C11orf16: variants seen among roughly 807,000 people sequenced by gnomAD.
C11orf16 encodes chromosome 11 open reading frame 16.
In C11orf16, 38 loss-of-function variants were observed where a neutral mutation model predicts 45.1. The observed-to-expected ratio is 0.84, with a 90% CI of 0.65 to 1.10. C11orf16 has a LOEUF of 1.10. Among genes scored for constraint, C11orf16 ranks in the 50% least tolerant of loss-of-function variants. The pLI is 0.00. For synonymous variants in C11orf16, 221 were observed against 222.0 expected, an observed-to-expected ratio of 1.00 and a Z score of 0.04; for missense variants, 583 against 569.5, an observed-to-expected ratio of 1.02 and a Z score of -0.24.
chr11:8,925,718 G>T lies in C11orf16; in HGVS notation c.949C>A (p.Pro317Thr), dbSNP rs1310680042. ...PELEPTAQLL[P>T]LEGPKEEKVA... is the part of the protein sequence containing the mutation. ...TTCTCCTCTTTAGGACCTTCCAGGGGCAAAAGCTGTGCTGTGGGCTCCAAC... is the reference window on the plus strand; with the variant it reads ...TTCTCCTCTTTAGGACCTTCCAGGGTCAAAAGCTGTGCTGTGGGCTCCAAC... The change falls in exon 5 of 7, where the codon CCC becomes ACC. Residue 317 changes from proline (P) to threonine (T), a missense_variant. Transcript: ENST00000326053. 1.2e-6 allele frequency: 2 copies of T among 1,614,258 alleles called. No individual in the cohort carries two copies. The highest frequency in any genetic ancestry group is 1.7e-6 in the Non-Finnish European group (2 of 1,180,040).
In C11orf16 at chr11:8,920,407, C is replaced by A; in HGVS notation, c.*66G>T. ...CCGTTGAAGAAGGCCTTGTCAGCCA[C>A]TCTGTATAACTCTCCTCGAATATTT... On this transcript the variant is annotated 3_prime_UTR_variant, in exon 7 of 7. Transcript: ENST00000326053. 1 of 665,260 alleles carries A rather than the reference C, an allele frequency of 1.5e-6. No homozygotes were observed. 41.2% of individuals were successfully genotyped at this position (665,260 alleles called of 1,614,324 possible).
In C11orf16 at chr11:8,926,067, G is replaced by A. The variant is rs753881372; in HGVS notation, c.600C>T (p.Gly200=). 5.6e-6 allele frequency: 9 copies of A among 1,612,172 alleles called. No homozygotes were observed. In the South Asian group the frequency reaches 9.9e-5, roughly 18 times the overall value. ...EKEITVHFWN[G]KAAKVPLGGV... ...CACCTAGGGGCACTTTAGCAGCTTT[G>A]CCATTCCAGAAATGAACAGTGATTT... is the stretch of plus-strand genomic sequence containing the variant. Residue 200 remains glycine, a synonymous_variant, in exon 5 of 7, where the codon GGC becomes GGT. Coordinates refer to ENST00000326053, the MANE Select transcript of C11orf16 (RefSeq NM_020643.3).
Position 8,926,997 on chromosome 11 carries a change from G to C in C11orf16, c.502C>G (p.Gln168Glu), listed in dbSNP as rs1319980576. ...AGAACAGTGCCAGGGCCATACTGCT[G>C]TTGGCCTGGCTCCCAGAGTGCCAGC... ...KVLALWEPGQQQYGPGTVLLG... is the reference protein window; with the variant it reads ...KVLALWEPGQEQYGPGTVLLG... Residue 168 changes from glutamine (Q) to glutamate (E), a missense_variant, in exon 4 of 7, where the codon CAG (glutamine) becomes GAG (glutamate). Coordinates refer to ENST00000326053, the MANE Select transcript of C11orf16 (RefSeq NM_020643.3). 1 of 1,613,960 alleles carries C rather than the reference G, an allele frequency of 6.2e-7. No individual in the cohort carries two copies. The highest frequency in any genetic ancestry group is 8.5e-7 in the Non-Finnish European group (1 of 1,180,028).
At position 8,921,453 on chromosome 11, in the gene C11orf16, C is replaced by T. The variant is rs1278482792; in HGVS notation, c.1267G>A (p.Ala423Thr). 6 of 1,614,100 alleles carry T rather than the reference C, an allele frequency of 3.7e-6. No individual in the cohort carries two copies. Among genetic ancestry groups the T allele is most frequent in the Non-Finnish European group, 5.1e-6 (6 of 1,180,030 alleles). Residue 423 changes from alanine to threonine, a missense_variant, in exon 6 of 7, where the codon GCA (alanine) becomes ACA (threonine). By Grantham distance (58) the Ala-to-Thr change is moderately conservative. Transcript: ENST00000326053. Reference protein sequence around the residue: ...KDHKQQRAQTAVVGTTKELVS... With the variant: ...KDHKQQRAQTTVVGTTKELVS... ...AGCTCCTTGGTAGTCCCCACTACTG[C>T]AGTTTGTGCTCTCTGCTGTTTGTGA... is the stretch of plus-strand genomic sequence containing the variant.
Position 8,932,916 on chromosome 11 carries a change from C to G in C11orf16, c.-34G>C, listed in dbSNP as rs1377169823. ...AAGGACTTACCCACAGCCCCAAACTCCCAGCCTCCACCTCAGCCTCAGGCT... is the reference window on the plus strand; with the variant it reads ...AAGGACTTACCCACAGCCCCAAACTGCCAGCCTCCACCTCAGCCTCAGGCT... On this transcript the variant is annotated 5_prime_UTR_variant, in exon 1 of 7. Coordinates refer to ENST00000326053, the MANE Select transcript of C11orf16 (RefSeq NM_020643.3). 1 of 152,602 alleles carries G rather than the reference C, an allele frequency of 6.6e-6. No homozygotes were observed. Among genetic ancestry groups the G allele is most frequent in the Non-Finnish European group, 1.5e-5 (1 of 68,380 alleles). 9.5% of individuals were successfully genotyped at this position (152,602 alleles called of 1,614,324 possible). A position where few individuals can be genotyped will look rare whatever the true frequency, so the allele number is the denominator to read the frequency against.
intron 5 of C11orf16, among the ~76,000 whole-genome samples, chr11:8,924,977 G>T (rs1051424859): frequency 6.6e-6 from 1 of 152,180 alleles, no homozygotes; most frequent in African/African-American, 2.4e-5. Flanking sequence ...GCACATCGCA[G>T]TGCCCGGGTC....
chr11:8,931,935 C>T (rs949162851), intron 2 of C11orf16, among the ~76,000 whole-genome samples: 1 of 152,210 alleles, frequency 6.6e-6, no homozygotes, highest in Non-Finnish European at 1.5e-5. Context: ...TCTGCTAAAG[C>T]CAGATCAACC....
intron 5 of C11orf16, among the ~76,000 whole-genome samples, chr11:8,922,520 G>A (rs954515629): frequency 3.3e-5 from 5 of 152,194 alleles, no homozygotes; most frequent in African/African-American, 1.2e-4. Flanking sequence ...GAGGCAGAAA[G>A]TACCTCCCTG....
At chr11:8,922,515 A>G (rs1566111032) in intron 5 of C11orf16, among the ~76,000 whole-genome samples, 1 of 152,232 alleles carries the variant, frequency 6.6e-6, no homozygotes, top group African/African-American at 2.4e-5. Flanking sequence ...CAAAGGAGGC[A>G]GAAAGTACCT....
chr11:8,925,358 C>G, intron 5 of C11orf16, 105 bp downstream of exon 5: 1 of 1,050,824 alleles, frequency 9.5e-7, no homozygotes, highest in Non-Finnish European at 1.4e-6. Flanking sequence ...ACTGCAGTCC[C>G]AACAGAGTGG....
At chr11:8,929,605 A>G in intron 2 of C11orf16, 72 bp from the exon 3 acceptor site, 1 of 1,392,668 alleles carries the variant, frequency 7.2e-7, no homozygotes, top group Admixed American at 2.3e-5. Context: ...CACGTTTCGC[A>G]GGTACATCTG....
chr11:8,923,425 A>G (rs929015513), intron 5 of C11orf16, among the ~76,000 whole-genome samples: 2 of 152,140 alleles, frequency 1.3e-5, no homozygotes, highest in African/African-American at 2.4e-5. Flanking sequence ...TCTTTCTCCA[A>G]GCTGTGCTGG....
At position 8,921,236 on chromosome 11, in the gene C11orf16, G is replaced by A. The variant is rs989923994; in HGVS notation, c.*22+58C>T. 2.2e-6 allele frequency: 3 copies of A among 1,382,600 alleles called. No individual in the cohort carries two copies. The African/African-American group carries it at 4.3e-5, about 20-fold the overall frequency. The allele number at this position is 1,382,600 out of a possible 1,614,324, so 85.6% of individuals were successfully genotyped here. A position where few individuals can be genotyped will look rare whatever the true frequency, so the allele number is the denominator to read the frequency against. ...TTCTCAAAGGGGATGTGACCCAAAA[G>A]GTCTAAGACCCATGTGAGGAGTCCT... On this transcript the variant is annotated intron_variant, in intron 6 of 6. Transcript: ENST00000326053.
chr11:8,930,181 C>G (rs1271501413), intron 2 of C11orf16, among the ~76,000 whole-genome samples: 1 of 151,890 alleles, frequency 6.6e-6, no homozygotes, highest in African/African-American at 2.4e-5. Context: ...GTAATCCCAG[C>G]ACTTTGGGAG....
intron 3 of C11orf16, 181 bp downstream of exon 3, chr11:8,929,196 A>C (rs899712690): frequency 2.7e-5 from 16 of 598,058 alleles, no homozygotes; most frequent in African/African-American, 2.6e-4. Flanking sequence ...GCACTTTGTT[A>C]GGGAGCCCTA....
At position 8,925,693 on chromosome 11, in the gene C11orf16, T is replaced by G; in HGVS notation, c.974A>C (p.Lys325Thr). The G allele has an allele frequency of 1.2e-6, 2 of 1,614,230 alleles. No individual in the cohort carries two copies. Among genetic ancestry groups the G allele is most frequent in the Non-Finnish European group, 1.7e-6 (2 of 1,180,046 alleles). Residue 325 changes from lysine to threonine, a missense_variant, in exon 5 of 7, where the codon AAA becomes ACA. Physicochemically the swap from Lys to Thr is moderately conservative, Grantham distance 78. Transcript: ENST00000326053. ...LLPLEGPKEE[K>T]VAMHAPLAVS... ...AGCCAGGGGAGCGTGCATTGCTACT[T>G]TCTCCTCTTTAGGACCTTCCAGGGG...
chr11:8,921,637 T>C (rs1487698479), intron 5 of C11orf16, 122 bp from the exon 6 acceptor site: 38 of 948,158 alleles, frequency 4.0e-5, no homozygotes, highest in Non-Finnish European at 5.8e-5. Flanking sequence ...TCATTTATTA[T>C]GTATTTGAGA....
At position 8,926,973 on chromosome 11, in the gene C11orf16, G is replaced by A. The variant is rs1425386018; in HGVS notation, c.526C>T (p.Leu176Phe). Reference sequence around the variant, plus strand: ...GGATCTCTCATCTCCAAGCCCAAAAGAACAGTGCCAGGGCCATACTGCTGT... The same window carrying A: ...GGATCTCTCATCTCCAAGCCCAAAAAAACAGTGCCAGGGCCATACTGCTGT... ...GQQQYGPGTV[L>F]LGLEMRDPQR... is the part of the protein sequence containing the mutation. The change falls in exon 4 of 7, where the codon CTT (leucine) becomes TTT (phenylalanine). Residue 176 changes from leucine (L) to phenylalanine (F), a missense_variant. Coordinates refer to ENST00000326053, the MANE Select transcript of C11orf16 (RefSeq NM_020643.3). 1 of 1,613,992 alleles carries A rather than the reference G, an allele frequency of 6.2e-7. No individual in the cohort carries two copies. The highest frequency in any genetic ancestry group is 1.7e-5 in the Admixed American group (1 of 60,022).
At position 8,932,173 on chromosome 11, in the gene C11orf16, G is replaced by A. The variant is rs759784855; in HGVS notation, c.136C>T (p.Pro46Ser). The change falls in exon 2 of 7, where the codon CCC (proline) becomes TCC (serine). Residue 46 changes from proline (P) to serine (S), a missense_variant. Coordinates refer to ENST00000326053, the MANE Select transcript of C11orf16 (RefSeq NM_020643.3). The part of the protein sequence containing the change: ...SFTYPFALQA[P>S]WLTGHKPLAR... ...AGGGGCTTGTGCCCGGTGAGCCAGG[G>A]TGCTTGGAGGGCAAAGGGGTAGGTG... 2.5e-6 allele frequency: 4 copies of A among 1,589,244 alleles called. No individual in the cohort carries two copies. The highest frequency in any genetic ancestry group is 1.7e-4 in the Middle Eastern group (1 of 5,902).
Sources: gnomAD v4.1 joint callset for allele counts (sites outside exome capture counted in the v4.1 genomes callset) on GRCh38, gnomAD v4.1.1 for gene constraint, MANE v1.5 for transcripts, NCBI Gene and HGNC (gene_info 2026-07-23, HGNC 2026-07-21) for gene names.